FREM2: variants seen among roughly 807,000 people sequenced by gnomAD.
The protein encoded by FREM2 is FRAS1 related extracellular matrix 2, also known as FRAS1-related extracellular matrix protein 2.
A neutral mutation model predicts 219.9 loss-of-function variants in FREM2; 119 were observed. The ratio of observed to expected loss-of-function variants is 0.54; its 90% CI spans 0.47 to 0.63. FREM2 has a LOEUF of 0.63. Ranked by LOEUF, FREM2 falls within the 30% of genes least tolerant of loss-of-function variation. The pLI is 0.00. For synonymous variants in FREM2, 1,562 were observed against 1,522.8 expected (o/e 1.03, Z -0.60); for missense variants, 4,030 against 3,993.6 (o/e 1.01, Z -0.25).
chr13:38,827,184 G>T (rs1876323036), intron 6 of FREM2, among the ~76,000 whole-genome samples: 1 of 151,980 alleles, frequency 6.6e-6, no homozygotes, highest in East Asian at 1.9e-4. Context: ...CCACATTCTA[G>T]TTGTGTGGCG....
At chr13:38,817,077 A>G (rs1017849799) in intron 6 of FREM2, among the ~76,000 whole-genome samples, 1 of 152,124 alleles carries the variant, frequency 6.6e-6, no homozygotes, top group Middle Eastern at 3.2e-3. Context: ...ATACAAATAC[A>G]TGGAAAGATA....
chr13:38,821,551 TTC>T (rs1314169022), intron 6 of FREM2: 1 of 152,148 alleles, frequency 6.6e-6, no homozygotes, highest in Non-Finnish European at 1.5e-5. Flanking sequence ...TCATCTTTTT[TTC>T]TCTTTTTTCT....
Position 38,689,021 on chromosome 13 carries a change from G to A in FREM2, c.1677G>A (p.Gln559=). 2 of 1,613,966 alleles carry A rather than the reference G, an allele frequency of 1.2e-6. No individual in the cohort carries two copies. The highest frequency in any genetic ancestry group is 8.5e-7 in the Non-Finnish European group (1 of 1,179,928). ...TCACCTTAGTGCCTGTGGATGACCA[G>A]CCACCTGTTCTCAATGCCAACACGG... The part of the protein sequence containing the change: ...FPITLVPVDD[Q]PPVLNANTGL... The change falls in exon 1 of 24, where the codon CAG becomes CAA. Residue 559 remains glutamine (Q), a synonymous_variant. Coordinates refer to ENST00000280481, the MANE Select transcript of FREM2 (RefSeq NM_207361.6).
intron 6 of FREM2, among the ~76,000 whole-genome samples, chr13:38,793,524 G>A (rs776779567): frequency 1.1e-4 from 16 of 152,158 alleles, no homozygotes; most frequent in East Asian, 3.8e-4. Flanking sequence ...ACAAGAGTTT[G>A]GAGAGGTGGG....
chr13:38,692,572 A>G (rs1435923143), intron 1 of FREM2, 55 bp downstream of exon 1: 3 of 1,572,500 alleles, frequency 1.9e-6, no homozygotes, highest in Non-Finnish European at 2.6e-6. Flanking sequence ...ATGTGGCTTC[A>G]CTAAAAGCCT....
At chr13:38,851,606 A>G in intron 10 of FREM2, 80 bp from the exon 11 acceptor site, 1 of 1,139,696 alleles carries the variant, frequency 8.8e-7, no homozygotes, top group South Asian at 1.3e-5. Context: ...CCCCTCCCAC[A>G]TGGAAACAAA....
Position 38,688,664 on chromosome 13 carries a change from G to C in FREM2, c.1320G>C (p.Val440=), listed in dbSNP as rs1042225831. The C allele has an allele frequency of 6.2e-7, 1 of 1,613,990 alleles. No individual in the cohort carries two copies. The highest frequency in any genetic ancestry group is 1.3e-5 in the African/African-American group (1 of 74,930). ...AGCCCATGAACACAATGGCTCCGGT[G>C]GTCACCCGGAATACCGGTCTTATTC... ...VVKPMNTMAP[V]VTRNTGLILY... is the part of the protein sequence containing the mutation. The change falls in exon 1 of 24, where the codon GTG becomes GTC. Residue 440 remains valine (V), a synonymous_variant. Coordinates refer to ENST00000280481, the MANE Select transcript of FREM2 (RefSeq NM_207361.6).
chr13:38,729,435 A>G (rs569850365), intron 2 of FREM2, among the ~76,000 whole-genome samples: 1 of 152,336 alleles, frequency 6.6e-6, no homozygotes, highest in South Asian at 2.1e-4. Flanking sequence ...GTATACTAGC[A>G]TATGATCTTC....
intron 6 of FREM2, among the ~76,000 whole-genome samples, chr13:38,823,546 A>G (rs900458960): frequency 6.6e-6 from 1 of 151,922 alleles, no homozygotes; most frequent in African/African-American, 2.4e-5. Flanking sequence ...CCCCAAACAT[A>G]TGAGGCTGTC....
At chr13:38,829,801 G>A (rs1451475619) in intron 6 of FREM2, among the ~76,000 whole-genome samples, 4 of 151,644 alleles carry the variant, frequency 2.6e-5, no homozygotes, top group Non-Finnish European at 4.4e-5. Flanking sequence ...AGACACAAAC[G>A]GAATACACAG....
At chr13:38,831,738 T>C (rs987062599) in intron 6 of FREM2, among the ~76,000 whole-genome samples, 12 of 151,392 alleles carry the variant, frequency 7.9e-5, no homozygotes, top group Admixed American at 5.3e-4. Context: ...GCCTCCTGAG[T>C]AGCTGGGACT....
chr13:38,814,155 A>G (rs746009939), intron 6 of FREM2, among the ~76,000 whole-genome samples: 36 of 152,256 alleles, frequency 2.4e-4, no homozygotes, highest in Admixed American at 5.2e-4. Context: ...GAATTCTCTG[A>G]GAAGACATAC....
chr13:38,746,763 G>A (rs1872501253), intron 2 of FREM2, among the ~76,000 whole-genome samples: 8 of 152,178 alleles, frequency 5.3e-5, no homozygotes, highest in Admixed American at 5.2e-4. Context: ...TAAAATTGCT[G>A]AGTTGAGTGG....
chr13:38,724,730 TG>T, intron 2 of FREM2, among the ~76,000 whole-genome samples: 1 of 152,358 alleles, frequency 6.6e-6, no homozygotes, highest in East Asian at 1.9e-4. Context: ...GGCTCAACTT[TG>T]TTCCTTAGCC....
chr13:38,755,173 T>C (rs1872945896), intron 2 of FREM2, among the ~76,000 whole-genome samples: 1 of 152,044 alleles, frequency 6.6e-6, no homozygotes, highest in Admixed American at 6.6e-5. Flanking sequence ...AGTGCTGGGA[T>C]TACAGGCATG....
rs746373505 is a variant in FREM2 at position 38,784,798 on chromosome 13, C to G, written c.6009C>G (p.Asp2003Glu). The G allele has an allele frequency of 2.5e-6, 4 of 1,614,104 alleles. No homozygotes were observed. In the South Asian group the frequency reaches 4.4e-5, roughly 18 times the overall value. Reference protein sequence around the residue: ...FPGAQVTIVPDKDDEPIFYFG... With the variant: ...FPGAQVTIVPEKDDEPIFYFG... ...GGGCTCAAGTTACAATCGTTCCTGACAAAGATGATGGTGAGTACTAATTTA... is the reference window on the plus strand; with the variant it reads ...GGGCTCAAGTTACAATCGTTCCTGAGAAAGATGATGGTGAGTACTAATTTA... The change falls in exon 6 of 24, where the codon GAC becomes GAG. Residue 2003 changes from aspartate to glutamate, a missense_variant. Physicochemically the swap from Asp to Glu is conservative, Grantham distance 45. This residue lies in a region of FREM2 where 3,102 missense variants were observed against 2,950.7 expected (regional missense o/e 1.05). Coordinates refer to ENST00000280481, the MANE Select transcript of FREM2 (RefSeq NM_207361.6).
At chr13:38,799,693 T>C (rs1874934901) in intron 6 of FREM2, among the ~76,000 whole-genome samples, 1 of 152,038 alleles carries the variant, frequency 6.6e-6, no homozygotes, top group African/African-American at 2.4e-5. Context: ...CTTGTTGAAT[T>C]GATCCCTTTA....
At chr13:38,742,882 G>A (rs1302030788) in intron 2 of FREM2, among the ~76,000 whole-genome samples, 6 of 152,142 alleles carry the variant, frequency 3.9e-5, no homozygotes, top group African/African-American at 1.4e-4. Context: ...ATCAAATTGA[G>A]CAATCCCATT....
intron 6 of FREM2, among the ~76,000 whole-genome samples, chr13:38,807,554 T>C (rs1314166418): frequency 6.6e-6 from 1 of 151,768 alleles, no homozygotes; most frequent in Non-Finnish European, 1.5e-5. Flanking sequence ...CCTTAATCCA[T>C]GGGCTGCAGA....
Sources: gnomAD v4.1 joint callset for allele counts (sites outside exome capture counted in the v4.1 genomes callset) on GRCh38, gnomAD v4.1.1 for gene constraint, gnomAD v4.1.1 regional missense constraint, MANE v1.5 for transcripts, NCBI Gene and HGNC (gene_info 2026-07-23, HGNC 2026-07-21) for gene names.